The following STARD9 variants were observed in gnomAD, a reference collection of about 807,000 sequenced individuals.
The protein encoded by STARD9 is StAR related lipid transfer domain containing 9.
In STARD9, 346 loss-of-function variants were observed where a neutral mutation model predicts 399.8. The observed-to-expected ratio is 0.87, with a 90% confidence interval of 0.79 to 0.95. The LOEUF is 0.95. STARD9 is among the 40% of genes least tolerant of loss of function. The pLI, the probability that STARD9 is intolerant of heterozygous loss-of-function variation, is 0.00. For synonymous variants in STARD9, 2,203 were observed against 2,143.5 expected (o/e 1.03, Z -0.77); for missense variants, 5,832 against 5,667.5 (o/e 1.03, Z -0.93).
rs899450100 is a variant in STARD9 at position 42,682,490 on chromosome 15, C to G, written c.2452C>G (p.Arg818Gly). The G allele has an allele frequency of 1.3e-6, 2 of 1,537,212 alleles. No homozygotes were observed. Among genetic ancestry groups the G allele is most frequent in the Admixed American group, 2.0e-5 (1 of 50,996 alleles). Reference sequence around the variant, plus strand: ...CCTCAGCCCTGATGCCACAGTCCCACGGCCTCCATGTAGAAGCAAATTGAC... The same window carrying G: ...CCTCAGCCCTGATGCCACAGTCCCAGGGCCTCCATGTAGAAGCAAATTGAC... Reference protein sequence around the residue: ...QVLSPDATVPRPPCRSKLTSC... With the variant: ...QVLSPDATVPGPPCRSKLTSC... The change falls in exon 22 of 33, where the codon CGG (arginine) becomes GGG (glycine). Residue 818 changes from arginine (R) to glycine (G), a missense_variant. By Grantham distance (125) the Arg-to-Gly change is moderately radical. Coordinates refer to ENST00000290607, the MANE Select transcript of STARD9 (RefSeq NM_020759.3).
chr15:42,675,228 C>T (rs1160213513), intron 18 of STARD9, among the ~76,000 whole-genome samples: 3 of 152,152 alleles, frequency 2.0e-5, no homozygotes, highest in African/African-American at 4.8e-5. Flanking sequence ...CTCAACTTTC[C>T]TCATCTATAA....
chr15:42,712,464 C>A (rs567784232), intron 26 of STARD9, among the ~76,000 whole-genome samples: 2 of 152,026 alleles, frequency 1.3e-5, no homozygotes, highest in South Asian at 2.1e-4. Context: ...ACATTGCATT[C>A]TTTGGCCCAT....
At position 42,652,453 on chromosome 15, in the gene STARD9, A is replaced by T. The variant is rs545999584; in HGVS notation, c.630-67A>T. 97 of 1,285,070 alleles carry T rather than the reference A, an allele frequency of 7.5e-5. 1 individual carries two copies. The South Asian group carries it at 1.2e-3, about 15-fold the overall frequency. The allele number at this position is 1,285,070 out of a possible 1,614,324, so 79.6% of individuals were successfully genotyped here. Reference sequence around the variant, plus strand: ...AGCACTAACATTTCTTGTATTCTGTATGGATCCTTAAGAATCCACCATGTG... The same window carrying T: ...AGCACTAACATTTCTTGTATTCTGTTTGGATCCTTAAGAATCCACCATGTG... On this transcript the variant is annotated intron_variant, in intron 8 of 32. Coordinates refer to ENST00000290607, the MANE Select transcript of STARD9 (RefSeq NM_020759.3).
chr15:42,681,602 G>T lies in STARD9; in HGVS notation c.2055G>T (p.Gln685His). 6.5e-7 allele frequency: 1 copy of T among 1,536,456 alleles called. No homozygotes were observed. Among genetic ancestry groups the T allele is most frequent in the South Asian group, 1.2e-5 (1 of 83,908 alleles). Reference sequence around the variant, plus strand: ...TTGACCAAGCTTGGATTAGCCAGCAGATTAAAGAAAGTAGGTGTCCACCAC... The same window carrying T: ...TTGACCAAGCTTGGATTAGCCAGCATATTAAAGAAAGTAGGTGTCCACCAC... ...LEFDQAWISQ[Q>H]IKENQQCLLR... Residue 685 changes from glutamine (Q) to histidine (H), a missense_variant, in exon 21 of 33, where the codon CAG becomes CAT. By Grantham distance (24) the Gln-to-His change is conservative. This residue lies in a region of STARD9 where 5,828 missense variants were observed against 5,651.1 expected (regional missense o/e 1.03). Transcript: ENST00000290607.
chr15:42,625,522 G>C (rs760094403), intron 3 of STARD9, among the ~76,000 whole-genome samples: 2 of 151,002 alleles, frequency 1.3e-5, no homozygotes, highest in Non-Finnish European at 2.9e-5. Flanking sequence ...TAGAGATGGG[G>C]TTTCACCATG....
At chr15:42,627,992 T>A (rs2141885951) in intron 3 of STARD9, among the ~76,000 whole-genome samples, 1 of 152,332 alleles carries the variant, frequency 6.6e-6, no homozygotes, top group Non-Finnish European at 1.5e-5. Context: ...TAGTGTTTTT[T>A]TTCTGAGGAA....
At chr15:42,681,734 G>T (rs1212623935) in intron 21 of STARD9, 122 bp downstream of exon 21, 1 of 924,722 alleles carries the variant, frequency 1.1e-6, no homozygotes, top group East Asian at 2.7e-5. Flanking sequence ...TTGGTATTAG[G>T]TGTTCTCTTT....
chr15:42,610,940 G>T (rs1177494358), intron 3 of STARD9, among the ~76,000 whole-genome samples: 6 of 152,190 alleles, frequency 3.9e-5, no homozygotes, highest in African/African-American at 1.4e-4. Flanking sequence ...TAAGAAAATG[G>T]GTCGAGGTGA....
chr15:42,638,745 A>G lies in STARD9; in HGVS notation c.492A>G (p.Gln164=), dbSNP rs539733025. 2.4e-5 allele frequency: 37 copies of G among 1,536,642 alleles called. No homozygotes were observed. Among genetic ancestry groups the G allele is most frequent in the Non-Finnish European group, 3.1e-5 (35 of 1,146,538 alleles). ...YNERVRDLLK[Q]SGQKKSYTLR... ...AACGGGTGCGGGATCTGTTGAAGCA[A>G]TCTGGTCAAAAAAAGTCCTATACCC... is the stretch of plus-strand genomic sequence containing the variant. The change falls in exon 7 of 33, where the codon CAA becomes CAG. Residue 164 remains glutamine, a synonymous_variant. Coordinates refer to ENST00000290607, the MANE Select transcript of STARD9 (RefSeq NM_020759.3).
chr15:42,716,854 T>C (rs1378246376), intron 27 of STARD9, 73 bp from the exon 28 acceptor site: 18 of 1,529,722 alleles, frequency 1.2e-5, no homozygotes, highest in Non-Finnish European at 1.6e-5. Flanking sequence ...GTCACTGGTC[T>C]GTGGGAGAGC....
rs1320173870 is a variant in STARD9, at chr15:42,684,251, C to T, written c.2673C>T (p.Arg891=). ...ACCCTGCAAGGACAGGGTGCCTCCG[C>T]AAGAACGGCCTGCATTCCTCAGGTC... is the stretch of plus-strand genomic sequence containing the variant. ...ASYPARTGCL[R]KNGLHSSGHG... The change falls in exon 23 of 33, where the codon CGC becomes CGT. Residue 891 remains arginine, a synonymous_variant. Transcript: ENST00000290607. 6.5e-7 allele frequency: 1 copy of T among 1,537,256 alleles called. No homozygotes were observed. Among genetic ancestry groups the T allele is most frequent in the Non-Finnish European group, 8.7e-7 (1 of 1,146,904 alleles).
In STARD9 at chr15:42,716,945, G is replaced by A; in HGVS notation, c.13391G>A (p.Gly4464Asp). The A allele has an allele frequency of 6.5e-7, 1 of 1,537,220 alleles. No individual in the cohort carries two copies. The highest frequency in any genetic ancestry group is 8.7e-7 in the Non-Finnish European group (1 of 1,146,900). The change falls in exon 28 of 33, where the codon GGC becomes GAC. Residue 4464 changes from glycine (G) to aspartate (D), a missense_variant. Physicochemically the swap from Gly to Asp is moderately conservative, Grantham distance 94 (BLOSUM62 -1). This residue lies in a region of STARD9 where 5,828 missense variants were observed against 5,651.1 expected (regional missense o/e 1.03). Transcript: ENST00000290607. The part of the protein sequence containing the change: ...NSAYSHRASL[G>D]SCCCSPSSLS... ...CTTGTAGGCCACAGAGCCTCCCTGGGCAGTTGCTGCTGTTCACCATCCAGT... is the reference window on the plus strand; with the variant it reads ...CTTGTAGGCCACAGAGCCTCCCTGGACAGTTGCTGCTGTTCACCATCCAGT...
intron 26 of STARD9, among the ~76,000 whole-genome samples, chr15:42,700,049 T>C (rs769158133): frequency 1.6e-4 from 24 of 152,368 alleles, no homozygotes; most frequent in South Asian, 4.1e-4. Context: ...TGGCTGTCTA[T>C]GCCTGGTGTC....
Position 42,634,941 on chromosome 15 carries a change from C to T in STARD9, c.320C>T (p.Ser107Phe). 1 of 1,536,764 alleles carries T rather than the reference C, an allele frequency of 6.5e-7. No individual in the cohort carries two copies. The highest frequency in any genetic ancestry group is 8.7e-7 in the Non-Finnish European group (1 of 1,146,540). Residue 107 changes from serine to phenylalanine, a missense_variant, in exon 4 of 33, where the codon TCT (serine) becomes TTT (phenylalanine). Ser to Phe is a radical substitution (Grantham distance 155, BLOSUM62 -2). This residue lies in a region of STARD9 where 5,828 missense variants were observed against 5,651.1 expected (regional missense o/e 1.03). Transcript: ENST00000290607. ...ICLFAYGQTGSGKTYTMLGTP... is the reference protein window; with the variant it reads ...ICLFAYGQTGFGKTYTMLGTP... ...CTTTTTGCTTATGGACAGACAGGCTCTGGGAAGACATATACCATGCTGGGG... is the reference window on the plus strand; with the variant it reads ...CTTTTTGCTTATGGACAGACAGGCTTTGGGAAGACATATACCATGCTGGGG...
Position 42,682,167 on chromosome 15 carries a change from A to ACC in STARD9, c.2130_2131dup (p.Gln711ProfsTer3), listed in dbSNP as rs2060444471. ...AGCTTGCAACAGCAGCAGCAAGAAG[A>ACC]CCAGGTAGCAGAGAAAGAACTTGAG... is the stretch of plus-strand genomic sequence containing the variant. On this transcript the variant is annotated frameshift_variant, in exon 22 of 33. Coordinates refer to ENST00000290607, the MANE Select transcript of STARD9 (RefSeq NM_020759.3). LOFTEE classifies it high-confidence loss of function. 6.5e-7 allele frequency: 1 copy of ACC among 1,537,114 alleles called. No individual in the cohort carries two copies. Among genetic ancestry groups the ACC allele is most frequent in the Non-Finnish European group, 8.7e-7 (1 of 1,146,906 alleles).
intron 26 of STARD9, among the ~76,000 whole-genome samples, chr15:42,699,616 A>G (rs945876623): frequency 2.6e-5 from 4 of 151,426 alleles, no homozygotes; most frequent in Non-Finnish European, 5.9e-5. Context: ...GATGGTCTCG[A>G]TTTCCTGACC....
At chr15:42,626,342 C>CTCTTCCTCT (rs1470500769) in intron 3 of STARD9, among the ~76,000 whole-genome samples, 1 of 146,530 alleles carries the variant, frequency 6.8e-6, no homozygotes, top group African/African-American at 2.5e-5. Flanking sequence ...CCTCTTCTTC[C>CTCTTCCTCT]TCTTCCTCTT....
intron 3 of STARD9, among the ~76,000 whole-genome samples, chr15:42,619,743 G>C (rs756488144): frequency 3.9e-5 from 6 of 152,134 alleles, no homozygotes; most frequent in Non-Finnish European, 5.9e-5. Flanking sequence ...CTTGCTCCTC[G>C]CCTGCCTGCC....
At chr15:42,576,907 G>C (rs2058067158) in intron 1 of STARD9, among the ~76,000 whole-genome samples, 1 of 152,172 alleles carries the variant, frequency 6.6e-6, no homozygotes, top group Non-Finnish European at 1.5e-5. Flanking sequence ...TGAAGAAAGA[G>C]GGAAAGCAGA....
Sources: gnomAD v4.1 joint callset for allele counts (sites outside exome capture counted in the v4.1 genomes callset) on GRCh38, gnomAD v4.1.1 for gene constraint, gnomAD v4.1.1 regional missense constraint, MANE v1.5 for transcripts, NCBI Gene and HGNC (gene_info 2026-07-23, HGNC 2026-07-21) for gene names.